The following DLG2 variants were observed in gnomAD, a reference collection of about 807,000 sequenced individuals.
DLG2 encodes discs large MAGUK scaffold protein 2.
In DLG2, 45 loss-of-function variants were observed where a neutral mutation model predicts 132.5. That is an observed-to-expected ratio of 0.34 (90% CI 0.27 to 0.44). The LOEUF is 0.44. Among genes scored for constraint, DLG2 ranks in the 20% least tolerant of loss-of-function variants. DLG2 has a pLI of 1.00. For missense variants in DLG2, 1,045 were observed against 1,196.9 expected (o/e 0.87, Z 1.87); for synonymous variants, 424 against 419.6 (o/e 1.01, Z -0.13).
At chr11:84,317,148 T>C (rs753081261) in intron 7 of DLG2, 11 of 1,605,276 alleles carry the variant, frequency 6.9e-6, no homozygotes, top group Non-Finnish European at 8.5e-6. Flanking sequence ...GCATTCATAC[T>C]GCACTGATGC....
At chr11:84,363,666 C>A (rs915295846) in intron 7 of DLG2, among the ~76,000 whole-genome samples, 1 of 151,774 alleles carries the variant, frequency 6.6e-6, no homozygotes, top group African/African-American at 2.4e-5. Flanking sequence ...AGTCTTTAAT[C>A]CATCTTGAAC....
intron 7 of DLG2, among the ~76,000 whole-genome samples, chr11:84,317,724 G>C (rs1256500875): frequency 6.6e-6 from 1 of 152,124 alleles, no homozygotes; most frequent in Non-Finnish European, 1.5e-5. Flanking sequence ...CACTTATCTA[G>C]AGAGAGATTT....
chr11:84,798,352 CT>C lies in DLG2; in HGVS notation c.358-263622del, dbSNP rs576284801. Among the ~76,000 whole-genome samples, 219 of 152,282 alleles carry C rather than the reference CT, an allele frequency of 1.4e-3. 11 individuals carry two copies. The highest frequency in any genetic ancestry group is 0.013 in the Admixed American group (198 of 15,304). On this transcript the variant is annotated intron_variant, in intron 6 of 27. Transcript: ENST00000376104. The stretch of plus-strand genomic sequence containing the variant: ...AAACCATCAAAATTTTCCTGGTATT[CT>C]ATTCTACTGTCACTAAGCTGGCCCT...
chr11:85,278,388 G>C (rs1411642532), intron 4 of DLG2, among the ~76,000 whole-genome samples: 1 of 152,148 alleles, frequency 6.6e-6, no homozygotes, highest in African/African-American at 2.4e-5. Flanking sequence ...GATCACCTGA[G>C]GTTGGGAGTT....
chr11:84,462,018 T>G lies in DLG2; in HGVS notation c.519+72552A>C, dbSNP rs1376720587. Among the ~76,000 whole-genome samples the G allele has an allele frequency of 2.0e-5, 3 of 151,164 alleles. No individual in the cohort carries two copies. In the East Asian group the frequency reaches 5.8e-4, roughly 29 times the overall value. ...CAGGAGATCAAGATCCTTGGCGAAATGTCATCAACGTTAAGTAGATTCTTG... is the reference window on the plus strand; with the variant it reads ...CAGGAGATCAAGATCCTTGGCGAAAGGTCATCAACGTTAAGTAGATTCTTG... On this transcript the variant is annotated intron_variant, in intron 7 of 27. Coordinates refer to ENST00000376104, the MANE Select transcript of DLG2 (RefSeq NM_001142699.3).
intron 3 of DLG2, among the ~76,000 whole-genome samples, chr11:85,496,534 A>G (rs890219734): frequency 6.6e-6 from 1 of 152,154 alleles, no homozygotes; most frequent in Admixed American, 6.5e-5. Context: ...CCATACTTAA[A>G]CGTCCCTGCT....
chr11:84,654,843 C>A lies in DLG2; in HGVS notation c.358-120112G>T, dbSNP rs76232011. On this transcript the variant is annotated intron_variant, in intron 6 of 27. Coordinates refer to ENST00000376104, the MANE Select transcript of DLG2 (RefSeq NM_001142699.3). ...GTTTGCTGACACTCCTCTGCTGGGA[C>A]CCCGATGTAGCTCTGGTTTCAGCAG... 4.1e-3 allele frequency among the ~76,000 whole-genome samples: 617 copies of A among 152,242 alleles called. 4 individuals are homozygous for A. The highest frequency in any genetic ancestry group is 0.014 in the African/African-American group (580 of 41,536).
intron 3 of DLG2, chr11:85,452,867 A>T (rs574980109): frequency 1.6e-4 from 29 of 186,586 alleles, no homozygotes; most frequent in African/African-American, 6.8e-4. Context: ...AGTCATCTAC[A>T]AGAACAATCT....
chr11:83,784,817 G>A (rs990739023), intron 18 of DLG2, among the ~76,000 whole-genome samples: 6 of 152,112 alleles, frequency 3.9e-5, no homozygotes, highest in African/African-American at 1.4e-4. Flanking sequence ...GCTTATCTAT[G>A]ATTCTAACCA....
At chr11:83,765,301 C>A (rs1282935060) in intron 18 of DLG2, among the ~76,000 whole-genome samples, 5 of 152,118 alleles carry the variant, frequency 3.3e-5, no homozygotes, top group Non-Finnish European at 7.4e-5. Flanking sequence ...AAAACAAATA[C>A]TTTAAGAAAT....
At chr11:84,552,899 C>T (rs755259579) in intron 6 of DLG2, among the ~76,000 whole-genome samples, 10 of 152,174 alleles carry the variant, frequency 6.6e-5, no homozygotes, top group African/African-American at 9.7e-5. Flanking sequence ...CAGAATAAAA[C>T]GCACGCACTT....
chr11:83,702,799 C>T (rs1385991936), intron 18 of DLG2, among the ~76,000 whole-genome samples: 1 of 152,176 alleles, frequency 6.6e-6, no homozygotes, highest in Non-Finnish European at 1.5e-5. Context: ...TTTCAAGTTA[C>T]TTAAGGTCTC....
At chr11:84,789,047 C>T (rs1026782631) in intron 6 of DLG2, among the ~76,000 whole-genome samples, 1 of 152,140 alleles carries the variant, frequency 6.6e-6, no homozygotes, top group East Asian at 1.9e-4. Flanking sequence ...GGAAGTGAAA[C>T]AAAGAGAGAC....
intron 3 of DLG2, among the ~76,000 whole-genome samples, chr11:85,515,347 T>C (rs2094150870): frequency 6.6e-6 from 1 of 151,956 alleles, no homozygotes; most frequent in South Asian, 2.1e-4. Flanking sequence ...CAAGAACTTG[T>C]GTAGGTATGA....
chr11:84,851,570 T>G (rs1566149383), intron 6 of DLG2, among the ~76,000 whole-genome samples: 1 of 152,098 alleles, frequency 6.6e-6, no homozygotes, highest in Non-Finnish European at 1.5e-5. Flanking sequence ...GCAATGCTAT[T>G]ATCTTTGTAC....
intron 3 of DLG2, among the ~76,000 whole-genome samples, chr11:85,466,128 C>T (rs2092779951): frequency 6.6e-6 from 1 of 152,164 alleles, no homozygotes; most frequent in Admixed American, 6.5e-5. Flanking sequence ...CTGTTAATAT[C>T]CTTTGCCCAC....
chr11:84,599,247 A>G (rs2099570381), intron 6 of DLG2, among the ~76,000 whole-genome samples: 1 of 152,140 alleles, frequency 6.6e-6, no homozygotes, highest in African/African-American at 2.4e-5. Context: ...TCCATCTCAA[A>G]TGATAATAAT....
intron 18 of DLG2, chr11:83,643,709 T>A (rs1591570406): frequency 6.6e-6 from 1 of 152,104 alleles, no homozygotes; most frequent in South Asian, 2.1e-4. Context: ...ACACCACTAT[T>A]CCTAGGTAAG....
At chr11:83,672,483 A>T (rs1455423688) in intron 18 of DLG2, among the ~76,000 whole-genome samples, 3 of 151,866 alleles carry the variant, frequency 2.0e-5, no homozygotes, top group African/African-American at 7.3e-5. Flanking sequence ...GGCCTCCTTG[A>T]TTTTCTTAAA....
Sources: gnomAD v4.1 joint callset for allele counts (sites outside exome capture counted in the v4.1 genomes callset) on GRCh38, gnomAD v4.1.1 for gene constraint, MANE v1.5 for transcripts, NCBI Gene and HGNC (gene_info 2026-07-23, HGNC 2026-07-21) for gene names.